Variants in ANKS1B observed in about 807,000 individuals in gnomAD.
ANKS1B encodes ankyrin repeat and sterile alpha motif domain containing 1B, also known as ankyrin repeat and sterile alpha motif domain-containing protein 1B.
A neutral mutation model predicts 148.3 loss-of-function variants in ANKS1B; 36 were observed. The ratio of observed to expected loss-of-function variants is 0.24; its 90% CI spans 0.19 to 0.32. The LOEUF (loss-of-function observed/expected upper bound fraction) is 0.32, where lower values mean the gene tolerates loss of function less well. ANKS1B is among the 10% of genes least tolerant of loss of function. ANKS1B has a pLI of 1.00. For missense variants in ANKS1B, 1,157 were observed against 1,542.6 expected (o/e 0.75, Z 4.19); for synonymous variants, 542 against 560.8 (o/e 0.97, Z 0.47).
intron 12 of ANKS1B, among the ~76,000 whole-genome samples, chr12:99,286,334 AC>A (rs1024544141): frequency 4.1e-4 from 63 of 152,036 alleles, no homozygotes; most frequent in African/African-American, 1.4e-3. Context: ...GAAGGGAAGG[AC>A]CCAGTCCTGG....
intron 10 of ANKS1B, among the ~76,000 whole-genome samples, chr12:99,459,393 T>C (rs1436529713): frequency 1.3e-5 from 2 of 152,066 alleles, no homozygotes; most frequent in African/African-American, 4.8e-5. Context: ...AACATAGTAC[T>C]GGAAGTCCTA....
chr12:99,088,851 T>TG (rs1555230540), intron 15 of ANKS1B, among the ~76,000 whole-genome samples: 2 of 139,882 alleles, frequency 1.4e-5, no homozygotes, highest in Non-Finnish European at 3.1e-5. Context: ...TTTTTTTTTT[T>TG]TTTTTTTTTT....
chr12:99,894,111 G>C (rs1454155253), intron 1 of ANKS1B, among the ~76,000 whole-genome samples: 1 of 151,726 alleles, frequency 6.6e-6, no homozygotes, highest in Non-Finnish European at 1.5e-5. Context: ...AGAAAGTAAA[G>C]TAAAAAGATT....
intron 9 of ANKS1B, among the ~76,000 whole-genome samples, chr12:99,507,768 T>C (rs78468112): frequency 0.025 from 3,852 of 151,848 alleles, 79 homozygotes; most frequent in South Asian, 0.088. Context: ...GAAAGAGAGA[T>C]AGTTGAACAA....
Position 99,105,277 on chromosome 12 carries a change from C to A in ANKS1B, c.2527-20254G>T, listed in dbSNP as rs543045446. On this transcript the variant is annotated intron_variant, in intron 15 of 26. Transcript: ENST00000683438. The stretch of plus-strand genomic sequence containing the variant: ...TGCCCCCCAAGGACATGCAAAATAT[C>A]TGCTTGGGTACCCGTTTTTTCATGT... 3.5e-4 allele frequency among the ~76,000 whole-genome samples: 54 copies of A among 152,234 alleles called. No individual in the cohort carries two copies. In the South Asian group the frequency reaches 0.011, roughly 32 times the overall value.
chr12:99,270,903 G>A (rs2076967897), intron 12 of ANKS1B, among the ~76,000 whole-genome samples: 1 of 152,040 alleles, frequency 6.6e-6, no homozygotes, highest in Admixed American at 6.5e-5. Context: ...CCATCAATTA[G>A]CACATTAACG....
In ANKS1B at chr12:98,745,377, T is replaced by C. The variant is rs766918266; in HGVS notation, c.*362A>G. 1.3e-4 allele frequency: 25 copies of C among 185,618 alleles called. No homozygotes were observed. The highest frequency in any genetic ancestry group is 4.9e-4 in the South Asian group (2 of 4,082). 11.5% of individuals were successfully genotyped at this position (185,618 alleles called of 1,614,324 possible). A position where few individuals can be genotyped will look rare whatever the true frequency, so the allele number is the denominator to read the frequency against. Reference sequence around the variant, plus strand: ...GGCAGTATTAGAGATCCCCTTTACTTTTTTTTTTTTTTTTTTTTTTTTAAA... The same window carrying C: ...GGCAGTATTAGAGATCCCCTTTACTCTTTTTTTTTTTTTTTTTTTTTTAAA... On this transcript the variant is annotated 3_prime_UTR_variant, in exon 27 of 27. Coordinates refer to ENST00000683438, the MANE Select transcript of ANKS1B (RefSeq NM_001352186.2).
rs1419757106 is a variant in ANKS1B at position 99,155,017 on chromosome 12, A to T, written c.2420-622T>A. 4 of 1,535,272 alleles carry T rather than the reference A, an allele frequency of 2.6e-6. No homozygotes were observed. In the African/African-American group the frequency reaches 5.5e-5, roughly 21 times the overall value. ...TGATGAGAGCAGTCAAAACAAATGC[A>T]GAAAATAGCAAGATTCAAAAGCAAA... On this transcript the variant is annotated intron_variant, in intron 14 of 26. Transcript: ENST00000683438.
chr12:98,911,173 T>C (rs2099786316), intron 17 of ANKS1B, among the ~76,000 whole-genome samples: 1 of 152,194 alleles, frequency 6.6e-6, no homozygotes, highest in Non-Finnish European at 1.5e-5. Flanking sequence ...CAAAGTTTCC[T>C]TGGACTGCTT....
chr12:99,449,587 T>C (rs2095691667), intron 10 of ANKS1B, among the ~76,000 whole-genome samples: 1 of 152,160 alleles, frequency 6.6e-6, no homozygotes, highest in Non-Finnish European at 1.5e-5. Context: ...ATAACTTGTA[T>C]GTTTTTAGGC....
intron 17 of ANKS1B, among the ~76,000 whole-genome samples, chr12:98,942,770 G>A (rs1259840524): frequency 1.3e-5 from 2 of 152,172 alleles, no homozygotes; most frequent in Non-Finnish European, 2.9e-5. Flanking sequence ...AACTGATAGC[G>A]ACTCCTGTGA....
At chr12:99,359,429 T>C (rs190734494) in intron 12 of ANKS1B, among the ~76,000 whole-genome samples, 1 of 152,204 alleles carries the variant, frequency 6.6e-6, no homozygotes, top group Non-Finnish European at 1.5e-5. Flanking sequence ...AAATAATTAC[T>C]TTCTAAAAAG....
At position 99,546,699 on chromosome 12, in the gene ANKS1B, T is replaced by C. The variant is rs1019265505; in HGVS notation, c.1273-42058A>G. ...ACTGAACGTTAAGGGTTCTACTTTA[T>C]GCATGATAAATACATAGAGCAAAGT... On this transcript the variant is annotated intron_variant, in intron 9 of 26. Transcript: ENST00000683438. Among the ~76,000 whole-genome samples, 5 of 152,198 alleles carry C rather than the reference T, an allele frequency of 3.3e-5. 1 individual carries two copies. The highest frequency in any genetic ancestry group is 6.6e-5 in the Admixed American group (1 of 15,264).
intron 12 of ANKS1B, among the ~76,000 whole-genome samples, chr12:99,342,494 T>A (rs1283227577): frequency 1.3e-5 from 2 of 152,050 alleles, no homozygotes; most frequent in Non-Finnish European, 2.9e-5. Context: ...CAACCAATGT[T>A]CATTGAATGA....
chr12:99,415,807 C>T (rs2152692356), intron 11 of ANKS1B, among the ~76,000 whole-genome samples: 1 of 152,150 alleles, frequency 6.6e-6, no homozygotes, highest in East Asian at 1.9e-4. Flanking sequence ...CCTCAGCCTC[C>T]TAAGTAGCTG....
chr12:99,445,797 C>T (rs2095627755), intron 10 of ANKS1B, among the ~76,000 whole-genome samples: 1 of 152,000 alleles, frequency 6.6e-6, no homozygotes, highest in Admixed American at 6.6e-5. Flanking sequence ...ACACAGCTCA[C>T]TACAGCCTCA....
rs1322372858 is a variant in ANKS1B at position 98,829,706 on chromosome 12, C to T, written c.2887-353G>A. 2.0e-5 allele frequency among the ~76,000 whole-genome samples: 3 copies of T among 152,132 alleles called. No individual in the cohort carries two copies. Among genetic ancestry groups the T allele is most frequent in the Non-Finnish European group, 4.4e-5 (3 of 68,040 alleles). On this transcript the variant is annotated intron_variant, in intron 18 of 26. Coordinates refer to ENST00000683438, the MANE Select transcript of ANKS1B (RefSeq NM_001352186.2). This position sits in a 1 kb window ranked among gnomAD's most constrained non-coding sequence, Gnocchi z 5.2. ...CCTCATGTGGGCAGAGCGTCCTCAC[C>T]ATGGTAGATGCCATGATGAGAAAGC...
In ANKS1B at chr12:99,838,453, T is replaced by C. The variant is rs571270019; in HGVS notation, c.135-13064A>G. ...TTTTCTATGAGTAGCTTGTTTATAT[T>C]CTTTGCCCAGTTTTTGTATTGAGTT... On this transcript the variant is annotated intron_variant, in intron 1 of 26. Transcript: ENST00000683438. Among the ~76,000 whole-genome samples the C allele has an allele frequency of 4.6e-5, 7 of 152,302 alleles. No individual in the cohort carries two copies. The East Asian group carries it at 1.4e-3, about 29-fold the overall frequency.
chr12:99,725,585 GGACAC>G (rs2058538267), intron 8 of ANKS1B, among the ~76,000 whole-genome samples: 1 of 151,926 alleles, frequency 6.6e-6, no homozygotes, highest in Admixed American at 6.6e-5. Context: ...TGTCAATATT[GGACAC>G]ATCAATGAGA....
Sources: allele counts gnomAD v4.1 joint callset (sites outside exome capture counted in the v4.1 genomes callset), GRCh38; gene constraint gnomAD v4.1.1; non-coding constraint Gnocchi (gnomAD v3.1); transcripts MANE v1.5; gene names NCBI Gene and HGNC (gene_info 2026-07-23, HGNC 2026-07-21).